Variants in FARS2 observed in about 807,000 individuals in gnomAD.
FARS2 encodes phenylalanine--tRNA ligase, mitochondrial.
Under a neutral mutation model 46.4 loss-of-function variants are expected in FARS2, and 40 were observed. That is an observed-to-expected ratio of 0.86 (90% confidence interval 0.67 to 1.12). The LOEUF is 1.12. Ranked by LOEUF, FARS2 falls within the 50% of genes most tolerant of loss-of-function variation. FARS2 has a pLI of 0.00. For synonymous variants in FARS2, 234 were observed against 214.9 expected (o/e 1.09, Z -0.78); for missense variants, 513 against 567.9 (o/e 0.90, Z 0.98).
intron 1 of FARS2, among the ~76,000 whole-genome samples, chr6:5,346,180 C>T (rs767742998): frequency 1.1e-4 from 17 of 152,196 alleles, no homozygotes; most frequent in Admixed American, 1.3e-4. Flanking sequence ...ATGTTCTTTC[C>T]TGAGTTCCAT....
chr6:5,475,312 G>A (rs1766059057), intron 4 of FARS2, among the ~76,000 whole-genome samples: 1 of 152,124 alleles, frequency 6.6e-6, no homozygotes, highest in Non-Finnish European at 1.5e-5. Flanking sequence ...CAAGAATGTG[G>A]GCGTAGTACT....
rs543539251 is a variant in FARS2 at position 5,714,542 on chromosome 6, T to C, written c.1218-56749T>C. ...TAAAATCACAGAGAAAACAAACTTA[T>C]TAAGTCACAAAAAACAGAACCTTTT... is the stretch of plus-strand genomic sequence containing the variant. On this transcript the variant is annotated intron_variant, in intron 6 of 6. Coordinates refer to ENST00000274680, the MANE Select transcript of FARS2 (RefSeq NM_006567.5). 2.1e-4 allele frequency among the ~76,000 whole-genome samples: 32 copies of C among 152,162 alleles called. No individual in the cohort carries two copies. In the East Asian group the frequency reaches 6.2e-3, roughly 29 times the overall value.
intron 5 of FARS2, among the ~76,000 whole-genome samples, chr6:5,598,475 C>G (rs1230910145): frequency 1.3e-5 from 2 of 152,092 alleles, no homozygotes; most frequent in South Asian, 4.1e-4. Context: ...CCATTTCTAC[C>G]CTGTAATTGA....
rs1770901928 is a variant in FARS2, at chr6:5,545,304, C to T, written c.1029C>T (p.Phe343=). The change falls in exon 5 of 7, where the codon TTC becomes TTT. Residue 343 remains phenylalanine, a synonymous_variant. Transcript: ENST00000274680. ...AGGACGAGCGCTTCCTGAAGCAGTTCTGTGTATCCAACATTAATCAGAAGG... is the reference window on the plus strand; with the variant it reads ...AGGACGAGCGCTTCCTGAAGCAGTTTTGTGTATCCAACATTAATCAGAAGG... ...WCEDERFLKQ[F]CVSNINQKVK... 6.2e-7 allele frequency: 1 copy of T among 1,613,900 alleles called. No individual in the cohort carries two copies. The highest frequency in any genetic ancestry group is 8.5e-7 in the Non-Finnish European group (1 of 1,179,964).
chr6:5,656,525 C>T (rs528938839), intron 6 of FARS2, among the ~76,000 whole-genome samples: 1 of 152,240 alleles, frequency 6.6e-6, no homozygotes, highest in East Asian at 1.9e-4. Flanking sequence ...ACTCTTGACT[C>T]TCAACCATGT....
intron 5 of FARS2, among the ~76,000 whole-genome samples, chr6:5,559,752 G>A (rs1318975455): frequency 6.6e-6 from 1 of 151,612 alleles, no homozygotes; most frequent in African/African-American, 2.4e-5. Flanking sequence ...TTTTTGAAAA[G>A]TGATAGTAAT....
intron 1 of FARS2, among the ~76,000 whole-genome samples, chr6:5,275,000 A>T (rs77085621): frequency 0.02 from 3,067 of 152,328 alleles, 90 homozygotes; most frequent in African/African-American, 0.07. Flanking sequence ...TACAGGTGTG[A>T]GCCTGGCCCT....
At chr6:5,346,284 T>C (rs897914619) in intron 1 of FARS2, among the ~76,000 whole-genome samples, 10 of 152,204 alleles carry the variant, frequency 6.6e-5, no homozygotes, top group East Asian at 1.9e-4. Flanking sequence ...CTGAGGCCCA[T>C]AGTACTTGGG....
chr6:5,510,289 G>A (rs561632015), intron 4 of FARS2, among the ~76,000 whole-genome samples: 1 of 152,260 alleles, frequency 6.6e-6, no homozygotes, highest in South Asian at 2.1e-4. Context: ...ACCCCTTAGG[G>A]AAGACTCTGC....
At chr6:5,475,772 G>A (rs191234387) in intron 4 of FARS2, among the ~76,000 whole-genome samples, 240 of 152,108 alleles carry the variant, frequency 1.6e-3, no homozygotes, top group Non-Finnish European at 2.4e-3. Context: ...CATTACTCAG[G>A]TGCAGCTCAG....
At chr6:5,348,230 C>G (rs1757357300) in intron 1 of FARS2, among the ~76,000 whole-genome samples, 1 of 152,074 alleles carries the variant, frequency 6.6e-6, no homozygotes, top group Admixed American at 6.5e-5. Context: ...TTCTAAGAAA[C>G]CTTTGTCCAC....
At chr6:5,405,477 G>GTTCTTTTTTTTTTTTTT (rs1761517727) in intron 3 of FARS2, among the ~76,000 whole-genome samples, 1 of 93,170 alleles carries the variant, frequency 1.1e-5, no homozygotes, top group Non-Finnish European at 2.2e-5. Context: ...GTGGAGCAAG[G>GTTCTTTTTTTTTTTTTT]TTCTTTTTTT....
At chr6:5,682,677 T>C (rs1260573218) in intron 6 of FARS2, among the ~76,000 whole-genome samples, 1 of 152,228 alleles carries the variant, frequency 6.6e-6, no homozygotes, top group Admixed American at 6.5e-5. Flanking sequence ...GTCAGCCAGG[T>C]CCTGTTCAGC....
chr6:5,753,281 G>A (rs1762047118), intron 6 of FARS2, among the ~76,000 whole-genome samples: 1 of 152,104 alleles, frequency 6.6e-6, no homozygotes, highest in Non-Finnish European at 1.5e-5. Context: ...CAATTTATTT[G>A]GTAGATAATA....
Position 5,433,466 on chromosome 6 carries a change from A to G in FARS2, c.904+2294A>G, listed in dbSNP as rs1763345530. Among the ~76,000 whole-genome samples the G allele has an allele frequency of 2.0e-5, 3 of 152,228 alleles. No homozygotes were observed. In the South Asian group the frequency reaches 6.2e-4, roughly 32 times the overall value. ...CCTGTGATAGAAACAATTTCTAACC[A>G]AGTGTAATTTGTTACCTCTTTGACC... On this transcript the variant is annotated intron_variant, in intron 4 of 6. Coordinates refer to ENST00000274680, the MANE Select transcript of FARS2 (RefSeq NM_006567.5).
intron 1 of FARS2, among the ~76,000 whole-genome samples, chr6:5,359,187 G>A (rs190092554): frequency 1.5e-3 from 223 of 151,950 alleles, no homozygotes; most frequent in Non-Finnish European, 2.8e-3. Context: ...TTACAGGTGT[G>A]TGCAACTGTG....
At chr6:5,525,683 G>C (rs750381513) in intron 4 of FARS2, among the ~76,000 whole-genome samples, 1 of 152,214 alleles carries the variant, frequency 6.6e-6, no homozygotes, top group Non-Finnish European at 1.5e-5. Flanking sequence ...GCTTGCCTAG[G>C]TTTTAGTTAC....
rs534762756 is a variant in FARS2, at chr6:5,722,743, G to T, written c.1218-48548G>T. Among the ~76,000 whole-genome samples, 4 of 152,280 alleles carry T rather than the reference G, an allele frequency of 2.6e-5. No individual in the cohort carries two copies. The East Asian group carries it at 5.8e-4, about 22-fold the overall frequency. On this transcript the variant is annotated intron_variant, in intron 6 of 6. Transcript: ENST00000274680. ...GTGCAACGAGGATGTCCTTGGAGGGGTGTGAAGCAAGGTGAAAGGTCATGT... is the reference window on the plus strand; with the variant it reads ...GTGCAACGAGGATGTCCTTGGAGGGTTGTGAAGCAAGGTGAAAGGTCATGT...
intron 4 of FARS2, among the ~76,000 whole-genome samples, chr6:5,514,852 C>G (rs1768688621): frequency 1.3e-5 from 2 of 151,810 alleles, no homozygotes; most frequent in Admixed American, 6.6e-5. Flanking sequence ...ACTGCAGCCT[C>G]AACCTCCTGG....
Sources: gnomAD v4.1 joint callset for allele counts (sites outside exome capture counted in the v4.1 genomes callset) on GRCh38, gnomAD v4.1.1 for gene constraint, MANE v1.5 for transcripts, NCBI Gene and HGNC (gene_info 2026-07-23, HGNC 2026-07-21) for gene names.